Variants in CATSPERD observed in about 807,000 individuals in gnomAD.
The protein encoded by CATSPERD is catsper channel auxiliary subunit delta, also known as cation channel sperm-associated auxiliary subunit delta.
A neutral mutation model predicts 98.1 loss-of-function variants in CATSPERD; 86 were observed. That is an observed-to-expected ratio of 0.88 (90% CI 0.74 to 1.05). CATSPERD has a LOEUF of 1.05. Ranked by LOEUF, CATSPERD falls within the 50% of genes least tolerant of loss-of-function variation. CATSPERD has a pLI of 0.00. For missense variants in CATSPERD, 995 were observed against 1,005.7 expected, an observed-to-expected ratio of 0.99 and a Z score of 0.14; for synonymous variants, 394 against 390.2, an observed-to-expected ratio of 1.01 and a Z score of -0.12.
intron 20 of CATSPERD, among the ~76,000 whole-genome samples, 199 bp downstream of exon 20, chr19:5,773,164 T>C (rs183696024): frequency 6.6e-6 from 1 of 152,206 alleles, no homozygotes; most frequent in Admixed American, 6.6e-5. Flanking sequence ...CCAGCCTGGC[T>C]AACATGGCAA....
intron 4 of CATSPERD, among the ~76,000 whole-genome samples, chr19:5,730,203 T>C (rs2055686768): frequency 1.3e-5 from 2 of 152,172 alleles, no homozygotes; most frequent in South Asian, 4.1e-4. Flanking sequence ...ATTGGTTATA[T>C]TATAAATAGA....
intron 3 of CATSPERD, among the ~76,000 whole-genome samples, 177 bp downstream of exon 3, chr19:5,727,521 G>T (rs145553037): frequency 5.5e-4 from 84 of 152,256 alleles, no homozygotes; most frequent in African/African-American, 2.0e-3. Flanking sequence ...GAAGAGATCA[G>T]CCAGTAACTA....
At chr19:5,764,216 G>A (rs2056496886) in intron 16 of CATSPERD, among the ~76,000 whole-genome samples, 1 of 142,190 alleles carries the variant, frequency 7.0e-6, no homozygotes, top group Non-Finnish European at 1.5e-5. Context: ...TTACAGGCAT[G>A]AGCCCCTGCA....
chr19:5,769,122 CCA>C (rs1468120631), intron 18 of CATSPERD, among the ~76,000 whole-genome samples: 1 of 150,924 alleles, frequency 6.6e-6, no homozygotes, highest in Non-Finnish European at 1.5e-5. Flanking sequence ...CCACTGCACT[CCA>C]GACTGGGCAA....
chr19:5,725,353 G>A (rs2055584168), intron 2 of CATSPERD, among the ~76,000 whole-genome samples: 1 of 152,088 alleles, frequency 6.6e-6, no homozygotes, highest in Non-Finnish European at 1.5e-5. Context: ...GTTTTGCCAT[G>A]TTGCCCAGGC....
intron 12 of CATSPERD, 47 bp from the exon 13 acceptor site, chr19:5,754,085 A>T (rs2056277120): frequency 1.2e-5 from 16 of 1,341,078 alleles, no homozygotes; most frequent in Non-Finnish European, 1.6e-5. Flanking sequence ...CCCTTTCTTT[A>T]TGGGAACAGG....
chr19:5,751,863 T>C (rs563953277), intron 12 of CATSPERD, 40 bp downstream of exon 12: 4 of 1,552,970 alleles, frequency 2.6e-6, no homozygotes, highest in East Asian at 2.4e-5. Context: ...TTCAATGTAG[T>C]TTTTAAAGAC....
At chr19:5,742,221 T>C (rs1055230021) in intron 7 of CATSPERD, among the ~76,000 whole-genome samples, 5 of 150,842 alleles carry the variant, frequency 3.3e-5, no homozygotes, top group Non-Finnish European at 4.4e-5. Flanking sequence ...TGTGTGTACA[T>C]GTGTGTGCGT....
At chr19:5,768,070 T>G in intron 17 of CATSPERD, 98 bp from the exon 18 acceptor site, 5 of 1,095,616 alleles carry the variant, frequency 4.6e-6, no homozygotes, top group South Asian at 1.3e-5. Flanking sequence ...GTGCTGGGCC[T>G]GAGCCACCAC....
intron 4 of CATSPERD, among the ~76,000 whole-genome samples, chr19:5,731,181 T>C (rs2055710006): frequency 6.6e-6 from 1 of 151,564 alleles, no homozygotes; most frequent in Non-Finnish European, 1.5e-5. Context: ...TCGACACCTA[T>C]GCTAAATAAA....
At chr19:5,750,395 G>A (rs1056069368) in intron 11 of CATSPERD, among the ~76,000 whole-genome samples, 22 of 140,372 alleles carry the variant, frequency 1.6e-4, no homozygotes, top group African/African-American at 5.6e-4. Flanking sequence ...AGCTTGCAGT[G>A]AGCAGAGATC....
In CATSPERD at chr19:5,737,148, C is replaced by A. The variant is rs1363057541; in HGVS notation, c.402C>A (p.His134Gln). Residue 134 changes from histidine to glutamine, a missense_variant, in exon 6 of 22, where the codon CAC (histidine) becomes CAA (glutamine). His to Gln is a conservative substitution (Grantham distance 24, BLOSUM62 0). This residue lies in a region of CATSPERD where 228 missense variants were observed against 209.6 expected (regional missense o/e 1.09). Coordinates refer to ENST00000381624, the MANE Select transcript of CATSPERD (RefSeq NM_152784.4). ...NSWSMSLGIK[H>Q]PVTHVSGDNC... is the part of the protein sequence containing the mutation. ...ATATTTTCCTTTCAGGTATAAAACACCCTGTTACACATGTCTCTGGTGATA... is the reference window on the plus strand; with the variant it reads ...ATATTTTCCTTTCAGGTATAAAACAACCTGTTACACATGTCTCTGGTGATA... 2 of 1,604,950 alleles carry A rather than the reference C, an allele frequency of 1.2e-6. No individual in the cohort carries two copies. Among genetic ancestry groups the A allele is most frequent in the Non-Finnish European group, 1.7e-6 (2 of 1,171,930 alleles).
intron 21 of CATSPERD, among the ~76,000 whole-genome samples, 169 bp from the exon 22 acceptor site, chr19:5,778,207 C>CAA (rs555139661): frequency 8.7e-4 from 72 of 82,340 alleles, no homozygotes; most frequent in African/African-American, 2.1e-3. Context: ...GACTCCGACT[C>CAA]AAAAAAAAAA....
chr19:5,737,611 G>A (rs1568346866), intron 6 of CATSPERD, among the ~76,000 whole-genome samples: 2 of 151,336 alleles, frequency 1.3e-5, no homozygotes, highest in East Asian at 3.9e-4. Flanking sequence ...TAGCATTTTG[G>A]GAGGCCGAGG....
intron 16 of CATSPERD, among the ~76,000 whole-genome samples, chr19:5,764,757 G>T (rs1489286150): frequency 1.3e-5 from 2 of 152,064 alleles, no homozygotes; most frequent in African/African-American, 4.8e-5. Flanking sequence ...GGGATTACAG[G>T]CAAGCCCCAC....
chr19:5,742,647 G>A (rs1444529994), intron 7 of CATSPERD, among the ~76,000 whole-genome samples: 1 of 152,036 alleles, frequency 6.6e-6, no homozygotes, highest in Non-Finnish European at 1.5e-5. Flanking sequence ...AAAAAGAAAT[G>A]AGCTGGGAAT....
chr19:5,748,901 G>A (rs1474834828), intron 10 of CATSPERD, among the ~76,000 whole-genome samples, 200 bp from the exon 11 acceptor site: 4 of 150,862 alleles, frequency 2.7e-5, no homozygotes, highest in Non-Finnish European at 5.9e-5. Flanking sequence ...GCTCATTTTT[G>A]TATTTTTAGT....
At chr19:5,736,104 G>T (rs2055839918) in intron 5 of CATSPERD, among the ~76,000 whole-genome samples, 1 of 151,792 alleles carries the variant, frequency 6.6e-6, no homozygotes, top group Non-Finnish European at 1.5e-5. Context: ...TAGAGACAGG[G>T]TTTCTCCATT....
intron 6 of CATSPERD, among the ~76,000 whole-genome samples, chr19:5,738,829 G>C (rs1000122652): frequency 3.3e-5 from 5 of 152,196 alleles, no homozygotes; most frequent in Admixed American, 3.3e-4. Flanking sequence ...ACCTGCCTCA[G>C]CCTCCCAAAG....
Sources: allele counts gnomAD v4.1 joint callset (sites outside exome capture counted in the v4.1 genomes callset), GRCh38; gene constraint gnomAD v4.1.1; regional missense constraint gnomAD v4.1.1; transcripts MANE v1.5; gene names NCBI Gene and HGNC (gene_info 2026-07-23, HGNC 2026-07-21).